The following DOT1L variants were observed in gnomAD, a reference collection of about 807,000 sequenced individuals.
DOT1L encodes histone-lysine N-methyltransferase, H3 lysine-79 specific.
Under a neutral mutation model 153.3 loss-of-function variants are expected in DOT1L, and 33 were observed. The ratio of observed to expected loss-of-function variants is 0.22; its 90% CI spans 0.16 to 0.29. The LOEUF (loss-of-function observed/expected upper bound fraction) is 0.29. DOT1L is among the 10% of genes least tolerant of loss of function. The pLI is 1.00. For missense variants in DOT1L, 1,847 were observed against 2,119.9 expected, an observed-to-expected ratio of 0.87 and a Z score of 2.53; for synonymous variants, 1,135 against 965.1, an observed-to-expected ratio of 1.18 and a Z score of -3.26.
intron 3 of DOT1L, among the ~76,000 whole-genome samples, chr19:2,187,851 G>A (rs542750911): frequency 1.3e-5 from 2 of 152,102 alleles, no homozygotes; most frequent in East Asian, 1.9e-4. Context: ...GAACCCGGGA[G>A]GCGGAGCTTG....
At chr19:2,211,724 T>C in intron 15 of DOT1L, 27 bp from the exon 16 acceptor site, 1 of 1,541,874 alleles carries the variant, frequency 6.5e-7, no homozygotes, top group South Asian at 1.2e-5. Context: ...TGCTCTCTTC[T>C]CACCTGTGTT....
chr19:2,181,346 C>T (rs2022221991), intron 2 of DOT1L, among the ~76,000 whole-genome samples: 1 of 152,292 alleles, frequency 6.6e-6, no homozygotes, highest in Admixed American at 6.5e-5. Context: ...GTGGCCCTGG[C>T]GTCTTGCTGG....
Position 2,199,949 on chromosome 19 carries a change from G to C in DOT1L, c.707+10G>C. 6.2e-7 allele frequency: 1 copy of C among 1,613,810 alleles called. No individual in the cohort carries two copies. On this transcript the variant is annotated intron_variant, in intron 8 of 27. Coordinates refer to ENST00000398665, the MANE Select transcript of DOT1L (RefSeq NM_032482.3). ...GAATCGCCAACACGAGGTATGGCCA[G>C]CGTGGGGCATGCAGGGCATGTGGGG... is the stretch of plus-strand genomic sequence containing the variant.
chr19:2,222,355 C>G lies in DOT1L; in HGVS notation c.3186C>G (p.Ser1062Arg). Reference sequence around the variant, plus strand: ...GCAGTGCCAAGCAGTCGCCCTCCAGCAAGCACAGCCCCCTGACCGCCAGCG... The same window carrying G: ...GCAGTGCCAAGCAGTCGCCCTCCAGGAAGCACAGCCCCCTGACCGCCAGCG... ...GAGSAKQSPS[S>R]KHSPLTASAR... Residue 1062 changes from serine (S) to arginine (R), a missense_variant, in exon 24 of 28, where the codon AGC becomes AGG. Around this residue, in one of 8 missense-constraint regions of DOT1L, gnomAD observed 934 missense variants for 825.3 expected, o/e 1.13. Transcript: ENST00000398665. This position sits in a 1 kb window ranked among gnomAD's most constrained non-coding sequence, Gnocchi z 6.5. 1.9e-6 allele frequency: 3 copies of G among 1,612,482 alleles called. No individual in the cohort carries two copies. Among genetic ancestry groups the G allele is most frequent in the Non-Finnish European group, 2.5e-6 (3 of 1,179,746 alleles).
At chr19:2,185,734 A>G (rs1365934362) in intron 2 of DOT1L, 121 bp from the exon 3 acceptor site, 2 of 1,025,034 alleles carry the variant, frequency 2.0e-6, no homozygotes, top group Non-Finnish European at 3.0e-6. Context: ...ACGACACTGC[A>G]CTCCAGCCTG....
At chr19:2,166,742 T>A (rs2019938666) in intron 1 of DOT1L, among the ~76,000 whole-genome samples, 1 of 152,236 alleles carries the variant, frequency 6.6e-6, no homozygotes, top group African/African-American at 2.4e-5. Flanking sequence ...CCTCTTTCAG[T>A]TCACCTAGGG....
rs1365108469 is a variant in DOT1L, at chr19:2,213,655, A to AGGGCAGGTGGCAGGTGGCAGCTGGG, written c.1659+17_1659+41dup. 1.9e-5 allele frequency: 30 copies of AGGGCAGGTGGCAGGTGGCAGCTGGG among 1,613,250 alleles called. No individual in the cohort carries two copies. Among genetic ancestry groups the AGGGCAGGTGGCAGGTGGCAGCTGGG allele is most frequent in the Non-Finnish European group, 2.3e-5 (27 of 1,179,738 alleles). ...AATTGGATGAGGTAGTGGACCCCAG[A>AGGGCAGGTGGCAGGTGGCAGCTGGG]GGGCAGGTGGCAGGTGGCAGCTGGG... On this transcript the variant is annotated intron_variant, in intron 17 of 27. Coordinates refer to ENST00000398665, the MANE Select transcript of DOT1L (RefSeq NM_032482.3).
At chr19:2,174,646 G>A (rs2021820370) in intron 1 of DOT1L, among the ~76,000 whole-genome samples, 1 of 151,990 alleles carries the variant, frequency 6.6e-6, no homozygotes, top group Admixed American at 6.6e-5. Flanking sequence ...TTAGAGATGG[G>A]GTCTTGCTGT....
At chr19:2,178,089 AT>A (rs879901295) in intron 1 of DOT1L, among the ~76,000 whole-genome samples, 294 of 141,604 alleles carry the variant, frequency 2.1e-3, no homozygotes, top group Middle Eastern at 7.3e-3. Context: ...TGCCCAGCTA[AT>A]TTTTTTTTTT....
intron 2 of DOT1L, among the ~76,000 whole-genome samples, chr19:2,181,494 G>C (rs2022229399): frequency 6.6e-6 from 1 of 152,224 alleles, no homozygotes; most frequent in East Asian, 1.9e-4. Flanking sequence ...TAGCTCCTGA[G>C]GCCCTGTAGT....
Position 2,193,821 on chromosome 19 carries a change from G to A in DOT1L, c.588+38G>A. The A allele has an allele frequency of 4.4e-6, 7 of 1,599,872 alleles. No homozygotes were observed. The highest frequency in any genetic ancestry group is 8.5e-7 in the Non-Finnish European group (1 of 1,170,882). ...GAGGGCCAGGGTGTGTTGGAGGCAGGGGACCATCAGAGAAAGTGACGCCCT... is the reference window on the plus strand; with the variant it reads ...GAGGGCCAGGGTGTGTTGGAGGCAGAGGACCATCAGAGAAAGTGACGCCCT... On this transcript the variant is annotated intron_variant, in intron 6 of 27. Coordinates refer to ENST00000398665, the MANE Select transcript of DOT1L (RefSeq NM_032482.3). This position sits in a 1 kb window ranked among gnomAD's most constrained non-coding sequence, Gnocchi z 5.9.
chr19:2,189,557 TCTC>T (rs1213513651), intron 3 of DOT1L, among the ~76,000 whole-genome samples, 172 bp from the exon 4 acceptor site: 3 of 152,268 alleles, frequency 2.0e-5, no homozygotes, highest in African/African-American at 2.4e-5. Flanking sequence ...AAACCTGAAA[TCTC>T]CTGCATCAGG....
chr19:2,214,882 A>G (rs2023841106), intron 19 of DOT1L, among the ~76,000 whole-genome samples: 1 of 152,182 alleles, frequency 6.6e-6, no homozygotes, highest in African/African-American at 2.4e-5. Context: ...CCTCCTTGCA[A>G]ATCATTTCTG....
rs2023067488 is a variant in DOT1L at position 2,197,389 on chromosome 19, G to A, written c.652-2495G>A. 6.6e-6 allele frequency among the ~76,000 whole-genome samples: 1 copy of A among 152,228 alleles called. No individual in the cohort carries two copies. On this transcript the variant is annotated intron_variant, in intron 7 of 27. Coordinates refer to ENST00000398665, the MANE Select transcript of DOT1L (RefSeq NM_032482.3). The surrounding 1 kb of genome is among the most constrained non-coding windows in gnomAD (Gnocchi z 4.1). ...CCCAGCACAGAGGATGGAAGCCCTCGCCATGGTTCCCAGCGATGGCCAGGA... is the reference window on the plus strand; with the variant it reads ...CCCAGCACAGAGGATGGAAGCCCTCACCATGGTTCCCAGCGATGGCCAGGA...
Position 2,217,056 on chromosome 19 carries a change from CCTTGCAG to C in DOT1L, c.2516_2522del (p.Gln839LeufsTer10). 6.2e-7 allele frequency: 1 copy of C among 1,610,500 alleles called. No homozygotes were observed. The highest frequency in any genetic ancestry group is 8.5e-7 in the Non-Finnish European group (1 of 1,178,286). On this transcript the variant is annotated frameshift_variant, in exon 21 of 28. Transcript: ENST00000398665. LOFTEE classifies it high-confidence loss of function. The surrounding 1 kb of genome is among the most constrained non-coding windows in gnomAD (Gnocchi z 7.3). ...GACCCGCGGCCCCTGTCCCCTGGGG[CCTTGCAG>C]CTTGCTGGAGAGAAGAGCAGTGAGA...
At chr19:2,225,514 G>A (rs1406858848) in intron 26 of DOT1L, 62 bp downstream of exon 26, 4 of 1,563,554 alleles carry the variant, frequency 2.6e-6, no homozygotes, top group Non-Finnish European at 3.5e-6. Context: ...TGCCCAGTCA[G>A]TGCTGCTGAC....
chr19:2,177,805 A>G (rs1334128713), intron 1 of DOT1L, among the ~76,000 whole-genome samples: 2 of 150,750 alleles, frequency 1.3e-5, no homozygotes, highest in African/African-American at 4.9e-5. Context: ...TCTGCTGCCC[A>G]GATTGGAGTG....
rs1558118 is a variant in DOT1L, at chr19:2,232,084, G to T, written c.*2292G>T. The T allele has an allele frequency of 0.14, 30,989 of 214,838 alleles. 3,416 individuals are homozygous for T. Among genetic ancestry groups the T allele is most frequent in the African/African-American group, 0.32 (14,245 of 44,108 alleles). The allele number at this position is 214,838 out of a possible 1,614,324, so 13.3% of individuals were successfully genotyped here. A position where few individuals can be genotyped will look rare whatever the true frequency, so the allele number is the denominator to read the frequency against. ...GTGGCAGGGTGGCTGTGGAGACTGGGGATCTGGAGCCTGGTGCTGGCACCT... is the reference window on the plus strand; with the variant it reads ...GTGGCAGGGTGGCTGTGGAGACTGGTGATCTGGAGCCTGGTGCTGGCACCT... On this transcript the variant is annotated 3_prime_UTR_variant, in exon 28 of 28. Coordinates refer to ENST00000398665, the MANE Select transcript of DOT1L (RefSeq NM_032482.3).
In DOT1L at chr19:2,230,485, G is replaced by A. The variant is rs1467365975; in HGVS notation, c.*693G>A. 4 of 399,012 alleles carry A rather than the reference G, an allele frequency of 1.0e-5. No individual in the cohort carries two copies. The highest frequency in any genetic ancestry group is 4.4e-5 in the Admixed American group (1 of 22,758). 24.7% of individuals were successfully genotyped at this position (399,012 alleles called of 1,614,324 possible). ...GGTGACGCAGCTGGCCATGTGCTGCGCGATGGTGCTGTGAGGACGGCGCGG... is the reference window on the plus strand; with the variant it reads ...GGTGACGCAGCTGGCCATGTGCTGCACGATGGTGCTGTGAGGACGGCGCGG... On this transcript the variant is annotated 3_prime_UTR_variant, in exon 28 of 28. Transcript: ENST00000398665.
Sources: allele counts gnomAD v4.1 joint callset (sites outside exome capture counted in the v4.1 genomes callset), GRCh38; gene constraint gnomAD v4.1.1; regional missense constraint gnomAD v4.1.1; non-coding constraint Gnocchi (gnomAD v3.1); transcripts MANE v1.5; gene names NCBI Gene and HGNC (gene_info 2026-07-23, HGNC 2026-07-21).